Variants in AGBL4 observed in about 807,000 individuals in gnomAD.
AGBL4 encodes the protein cytosolic carboxypeptidase 6.
Under a neutral mutation model 66.4 loss-of-function variants are expected in AGBL4, and 58 were observed. That is an observed-to-expected ratio of 0.87 (90% CI 0.71 to 1.09). The LOEUF (loss-of-function observed/expected upper bound fraction) is 1.09, where lower values mean the gene tolerates loss of function less well. Ranked by LOEUF, AGBL4 falls within the 50% of genes least tolerant of loss-of-function variation. AGBL4 has a pLI of 0.00. For synonymous variants in AGBL4, 234 were observed against 222.9 expected, an observed-to-expected ratio of 1.05 and a Z score of -0.44; for missense variants, 579 against 631.0, an observed-to-expected ratio of 0.92 and a Z score of 0.88.
At chr1:49,164,739 T>C (rs1378227530) in intron 4 of AGBL4, among the ~76,000 whole-genome samples, 2 of 152,198 alleles carry the variant, frequency 1.3e-5, no homozygotes, top group Admixed American at 1.3e-4. Flanking sequence ...AAATTATGTT[T>C]GTTTGCTTCA....
At position 49,512,967 on chromosome 1, in the gene AGBL4, A is replaced by G. The variant is rs190047563; in HGVS notation, c.282+184346T>C. 1.2e-4 allele frequency among the ~76,000 whole-genome samples: 19 copies of G among 152,100 alleles called. No individual in the cohort carries two copies. The East Asian group carries it at 3.5e-3, about 28-fold the overall frequency. ...TACTTTCCCTCTGTTATCTCATTTTATCCTATTCTTGAAGAAACTCTATTA... is the reference window on the plus strand; with the variant it reads ...TACTTTCCCTCTGTTATCTCATTTTGTCCTATTCTTGAAGAAACTCTATTA... On this transcript the variant is annotated intron_variant, in intron 3 of 13. Transcript: ENST00000371839.
chr1:49,433,026 G>C (rs1006909807), intron 3 of AGBL4, among the ~76,000 whole-genome samples: 1 of 152,162 alleles, frequency 6.6e-6, no homozygotes, highest in African/African-American at 2.4e-5. Context: ...AAAGGGACTT[G>C]GTTCTAGGGC....
At chr1:49,818,433 A>G (rs567994716) in intron 2 of AGBL4, among the ~76,000 whole-genome samples, 2 of 149,798 alleles carry the variant, frequency 1.3e-5, no homozygotes, top group Admixed American at 6.7e-5. Flanking sequence ...TGGCACCATC[A>G]TGACTCACTG....
intron 5 of AGBL4, among the ~76,000 whole-genome samples, chr1:48,945,483 T>C (rs1201073387): frequency 6.6e-6 from 1 of 152,158 alleles, no homozygotes; most frequent in East Asian, 1.9e-4. Flanking sequence ...GACCCCTTCA[T>C]TAGACCTAAA....
chr1:49,194,488 A>C (rs1041437544), intron 4 of AGBL4, among the ~76,000 whole-genome samples: 2 of 152,194 alleles, frequency 1.3e-5, no homozygotes, highest in African/African-American at 4.8e-5. Context: ...ATATTTTTTA[A>C]GTGGATGATT....
intron 5 of AGBL4, among the ~76,000 whole-genome samples, chr1:49,013,041 C>T (rs1243151321): frequency 6.6e-6 from 1 of 152,174 alleles, no homozygotes; most frequent in Non-Finnish European, 1.5e-5. Flanking sequence ...GCAAGCAGGC[C>T]CTCACCAGAA....
chr1:48,629,661 A>T (rs1249919850), intron 9 of AGBL4, among the ~76,000 whole-genome samples: 1 of 152,142 alleles, frequency 6.6e-6, no homozygotes, highest in Non-Finnish European at 1.5e-5. Flanking sequence ...GTAGATGCCG[A>T]GTCCAGGACT....
At chr1:49,647,635 T>C (rs752665613) in intron 3 of AGBL4, among the ~76,000 whole-genome samples, 10 of 152,180 alleles carry the variant, frequency 6.6e-5, no homozygotes, top group South Asian at 2.1e-4. Context: ...GAAATAACCA[T>C]TTAAAAATAC....
chr1:48,579,787 G>C (rs1294215391), intron 11 of AGBL4, among the ~76,000 whole-genome samples: 1 of 150,350 alleles, frequency 6.7e-6, no homozygotes, highest in Non-Finnish European at 1.5e-5. Flanking sequence ...GCACGGTGGC[G>C]GGCGCCTGTA....
At chr1:49,078,063 C>T (rs1644743669) in intron 4 of AGBL4, among the ~76,000 whole-genome samples, 1 of 152,026 alleles carries the variant, frequency 6.6e-6, no homozygotes, top group Non-Finnish European at 1.5e-5. Flanking sequence ...AAATTAGGAA[C>T]AAAATCCTGA....
At chr1:49,145,193 T>C (rs1453836939) in intron 4 of AGBL4, among the ~76,000 whole-genome samples, 1 of 152,204 alleles carries the variant, frequency 6.6e-6, no homozygotes, top group African/African-American at 2.4e-5. Context: ...CAACTTCTTA[T>C]GGCTTTTTTT....
chr1:49,042,014 T>G (rs553747745), intron 5 of AGBL4, among the ~76,000 whole-genome samples: 9 of 152,140 alleles, frequency 5.9e-5, no homozygotes, highest in Non-Finnish European at 1.2e-4. Context: ...ATGTTTATTT[T>G]TATTATTAAC....
chr1:49,036,714 T>A (rs557937151), intron 5 of AGBL4, among the ~76,000 whole-genome samples: 3 of 144,532 alleles, frequency 2.1e-5, no homozygotes, highest in African/African-American at 7.7e-5. Flanking sequence ...CACACCACCA[T>A]GCTCAGCTAA....
intron 2 of AGBL4, among the ~76,000 whole-genome samples, chr1:49,825,251 A>G (rs1645479663): frequency 6.6e-6 from 1 of 152,240 alleles, no homozygotes; most frequent in Admixed American, 6.5e-5. Context: ...AATATTCTGC[A>G]TCATCCACTA....
intron 3 of AGBL4, among the ~76,000 whole-genome samples, chr1:49,589,288 T>A (rs1644708894): frequency 6.6e-6 from 1 of 152,122 alleles, no homozygotes; most frequent in African/African-American, 2.4e-5. Context: ...CAATCCTAAT[T>A]ATATGACTAA....
intron 1 of AGBL4, among the ~76,000 whole-genome samples, chr1:49,918,290 T>C (rs950201224): frequency 6.6e-6 from 1 of 151,946 alleles, no homozygotes; most frequent in African/African-American, 2.4e-5. Context: ...AATTAATGAA[T>C]CCAGGAGCTG....
the AGBL4 span, among the ~76,000 whole-genome samples, chr1:48,524,278 CA>C: frequency 6.6e-6 from 1 of 151,870 alleles, no homozygotes; most frequent in East Asian, 1.9e-4. Flanking sequence ...ACCACACAAG[CA>C]ATGTTTTTCA....
intron 4 of AGBL4, among the ~76,000 whole-genome samples, chr1:49,186,713 A>C (rs1452968126): frequency 6.6e-6 from 1 of 152,230 alleles, no homozygotes; most frequent in African/African-American, 2.4e-5. Context: ...TTGAAGGACA[A>C]ACATTTTACT....
intron 2 of AGBL4, among the ~76,000 whole-genome samples, chr1:49,793,474 G>A (rs776270236): frequency 3.3e-5 from 5 of 151,946 alleles, no homozygotes; most frequent in African/African-American, 4.8e-5. Context: ...CTGAAGAAAA[G>A]CATACAGACT....
Sources: gnomAD v4.1 joint callset for allele counts (sites outside exome capture counted in the v4.1 genomes callset) on GRCh38, gnomAD v4.1.1 for gene constraint, MANE v1.5 for transcripts, NCBI Gene and HGNC (gene_info 2026-07-23, HGNC 2026-07-21) for gene names.